TMEM108: variants seen among roughly 807,000 people sequenced by gnomAD.
The protein encoded by TMEM108 is transmembrane protein 108.
A neutral mutation model predicts 35.1 loss-of-function variants in TMEM108; 12 were observed. The ratio of observed to expected loss-of-function variants is 0.34; its 90% CI spans 0.22 to 0.55. The LOEUF (loss-of-function observed/expected upper bound fraction) is 0.55. Among genes scored for constraint, TMEM108 ranks in the 20% least tolerant of loss-of-function variants. TMEM108 has a pLI of 0.89. For missense variants in TMEM108, 680 were observed against 753.3 expected (o/e 0.90, Z 1.14); for synonymous variants, 287 against 308.6 (o/e 0.93, Z 0.73).
chr3:133,155,378 G>T (rs1434077068), intron 2 of TMEM108, among the ~76,000 whole-genome samples: 2 of 152,156 alleles, frequency 1.3e-5, no homozygotes, highest in African/African-American at 4.8e-5. Flanking sequence ...TATATACCCA[G>T]TAGTGGGATT....
At chr3:133,231,736 CTATT>C (rs1396141092) in intron 3 of TMEM108, among the ~76,000 whole-genome samples, 3 of 152,130 alleles carry the variant, frequency 2.0e-5, no homozygotes, top group African/African-American at 4.8e-5. Context: ...CAGAGAATAT[CTATT>C]TGTTTAAAAA....
At chr3:133,174,458 G>A (rs1236720312) in intron 2 of TMEM108, among the ~76,000 whole-genome samples, 3 of 152,132 alleles carry the variant, frequency 2.0e-5, no homozygotes, top group African/African-American at 4.8e-5. Context: ...TCACATGGCC[G>A]GATACTCCTC....
intron 3 of TMEM108, among the ~76,000 whole-genome samples, chr3:133,352,512 C>G (rs1336924524): frequency 1.3e-5 from 2 of 152,206 alleles, no homozygotes; most frequent in Admixed American, 1.3e-4. Flanking sequence ...ATGCCAGTCA[C>G]AAGTCCAGGT....
At chr3:133,312,125 G>C (rs79511126) in intron 3 of TMEM108, among the ~76,000 whole-genome samples, 1 of 152,176 alleles carries the variant, frequency 6.6e-6, no homozygotes, top group African/African-American at 2.4e-5. Flanking sequence ...AGGGGTGCCC[G>C]CCTGTATGAG....
intron 2 of TMEM108, among the ~76,000 whole-genome samples, chr3:133,057,433 G>A (rs7640830): frequency 1.1e-3 from 27 of 24,838 alleles, no homozygotes; most frequent in African/African-American, 2.5e-3. Flanking sequence ...GTGTGTGTGT[G>A]TGTATATATA....
chr3:133,151,117 T>C (rs1944793747), intron 2 of TMEM108, among the ~76,000 whole-genome samples: 1 of 152,150 alleles, frequency 6.6e-6, no homozygotes. Context: ...GGATATCTTT[T>C]ATGAACCCTG....
At chr3:133,248,133 C>A (rs1459399733) in intron 3 of TMEM108, 1 of 152,120 alleles carries the variant, frequency 6.6e-6, no homozygotes, top group Non-Finnish European at 1.5e-5. Flanking sequence ...TGAATTAGTT[C>A]TGAACTTGGA....
At chr3:133,194,714 C>G (rs1945552151) in intron 2 of TMEM108, among the ~76,000 whole-genome samples, 1 of 152,110 alleles carries the variant, frequency 6.6e-6, no homozygotes, top group African/African-American at 2.4e-5. Context: ...TAAGGAGCAG[C>G]TTTCTTATGT....
intron 2 of TMEM108, among the ~76,000 whole-genome samples, chr3:133,081,095 T>C (rs1374120209): frequency 6.6e-6 from 1 of 152,242 alleles, no homozygotes; most frequent in Non-Finnish European, 1.5e-5. Flanking sequence ...TAGCACAGTG[T>C]CGTCACTTCT....
chr3:133,203,669 A>G (rs1196874665), intron 2 of TMEM108, among the ~76,000 whole-genome samples: 4 of 152,052 alleles, frequency 2.6e-5, no homozygotes, highest in Non-Finnish European at 4.4e-5. Context: ...TGGATAAGCT[A>G]TTTGATATGC....
At chr3:133,310,956 G>A (rs1273653086) in intron 3 of TMEM108, among the ~76,000 whole-genome samples, 2 of 152,196 alleles carry the variant, frequency 1.3e-5, no homozygotes, top group East Asian at 1.9e-4. Context: ...TGTCTGTAAA[G>A]GATTTTGTTT....
chr3:133,145,889 T>C (rs1048436697), intron 2 of TMEM108, among the ~76,000 whole-genome samples: 2 of 152,218 alleles, frequency 1.3e-5, no homozygotes, highest in African/African-American at 4.8e-5. Context: ...GTTTTCTAAA[T>C]AGACAATCAT....
intron 2 of TMEM108, among the ~76,000 whole-genome samples, chr3:133,226,089 C>A (rs565978574): frequency 6.6e-6 from 1 of 152,270 alleles, no homozygotes; most frequent in South Asian, 2.1e-4. Flanking sequence ...TAGGTGTATT[C>A]AAAGATTTTC....
chr3:133,129,358 CCA>C (rs375997471), intron 2 of TMEM108, among the ~76,000 whole-genome samples: 6,509 of 128,752 alleles, frequency 0.051, 260 homozygotes, highest in African/African-American at 0.11. Flanking sequence ...ACCCCCCCCC[CCA>C]AAAAAAAATA....
At chr3:133,294,092 T>C (rs1947110121) in intron 3 of TMEM108, among the ~76,000 whole-genome samples, 2 of 152,214 alleles carry the variant, frequency 1.3e-5, no homozygotes, top group Admixed American at 1.3e-4. Context: ...TTGATGTGAT[T>C]TGAATGAATT....
intron 2 of TMEM108, among the ~76,000 whole-genome samples, chr3:133,199,840 T>G (rs961018095): frequency 2.0e-5 from 3 of 152,300 alleles, no homozygotes; most frequent in East Asian, 1.9e-4. Flanking sequence ...GCTGCCTTTT[T>G]TTCAGCTATG....
intron 3 of TMEM108, among the ~76,000 whole-genome samples, chr3:133,347,702 T>C (rs1208874907): frequency 2.0e-5 from 3 of 152,132 alleles, no homozygotes; most frequent in Admixed American, 6.6e-5. Context: ...ATTCTTGTCT[T>C]GTTCTTTATC....
intron 2 of TMEM108, among the ~76,000 whole-genome samples, chr3:133,142,408 G>A (rs537931698): frequency 3.7e-4 from 57 of 152,310 alleles, no homozygotes; most frequent in African/African-American, 1.3e-3. Context: ...AGCATATTTA[G>A]GGGAGATGAG....
chr3:133,167,998 C>T (rs1366495511), intron 2 of TMEM108, among the ~76,000 whole-genome samples: 2 of 152,074 alleles, frequency 1.3e-5, no homozygotes, highest in African/African-American at 4.8e-5. Context: ...CATGGCCTTA[C>T]GTCCTGTTTA....
Sources: gnomAD v4.1 joint callset for allele counts (sites outside exome capture counted in the v4.1 genomes callset) on GRCh38, gnomAD v4.1.1 for gene constraint, MANE v1.5 for transcripts, NCBI Gene and HGNC (gene_info 2026-07-23, HGNC 2026-07-21) for gene names.